The following FSTL5 variants were observed in gnomAD, a reference collection of about 807,000 sequenced individuals.
The protein encoded by FSTL5 is follistatin-related protein 5.
FSTL5 carries 62 observed loss-of-function variants against 89.1 expected under a neutral mutation model. The observed-to-expected ratio is 0.70, with a 90% CI of 0.57 to 0.86. The LOEUF (loss-of-function observed/expected upper bound fraction) is 0.86, where lower values mean the gene tolerates loss of function less well. FSTL5 is among the 40% of genes least tolerant of loss of function. FSTL5 has a pLI of 0.00. For synonymous variants in FSTL5, 383 were observed against 346.2 expected (o/e 1.11, Z -1.18); for missense variants, 1,057 against 1,001.6 (o/e 1.06, Z -0.75).
At chr4:161,489,525 A>G (rs974193183) in intron 12 of FSTL5, among the ~76,000 whole-genome samples, 1 of 152,176 alleles carries the variant, frequency 6.6e-6, no homozygotes, top group African/African-American at 2.4e-5. Context: ...GGATGAAACT[A>G]ATTTAAACCT....
At chr4:161,629,908 G>A (rs905241949) in intron 7 of FSTL5, among the ~76,000 whole-genome samples, 3 of 152,190 alleles carry the variant, frequency 2.0e-5, no homozygotes, top group Non-Finnish European at 4.4e-5. Context: ...GTGCGAGGCT[G>A]TCTATGATGG....
At chr4:161,542,332 C>T (rs1731846249) in intron 9 of FSTL5, among the ~76,000 whole-genome samples, 200 bp downstream of exon 9, 1 of 151,872 alleles carries the variant, frequency 6.6e-6, no homozygotes, top group South Asian at 2.1e-4. Flanking sequence ...ATCATTATGA[C>T]AAGACTATTA....
At chr4:161,443,636 T>C (rs971191367) in intron 15 of FSTL5, among the ~76,000 whole-genome samples, 2 of 151,998 alleles carry the variant, frequency 1.3e-5, no homozygotes, top group African/African-American at 4.8e-5. Flanking sequence ...TTACAACTGA[T>C]GTAAGGTTGA....
At chr4:162,091,775 G>A (rs532847100) in intron 2 of FSTL5, among the ~76,000 whole-genome samples, 23 of 151,652 alleles carry the variant, frequency 1.5e-4, no homozygotes, top group Admixed American at 5.3e-4. Context: ...TTCCAACAAC[G>A]GCATCCATAA....
At chr4:161,645,181 A>T (rs1736109912) in intron 7 of FSTL5, among the ~76,000 whole-genome samples, 2 of 152,158 alleles carry the variant, frequency 1.3e-5, no homozygotes, top group Admixed American at 6.6e-5. Flanking sequence ...CAAAAAAAAA[A>T]TTAGAAACAC....
Position 161,696,374 on chromosome 4 carries a change from G to A in FSTL5, c.728-39880C>T, listed in dbSNP as rs1245570774. ...TTGGTGACTATGGCCTTATAGTATA[G>A]TTTGAAATCAGGTAATGTGGTGTCT... On this transcript the variant is annotated intron_variant, in intron 6 of 15. Transcript: ENST00000306100. 1.3e-5 allele frequency among the ~76,000 whole-genome samples: 2 copies of A among 152,108 alleles called. 1 individual carries two copies. Among genetic ancestry groups the A allele is most frequent in the Non-Finnish European group, 2.9e-5 (2 of 68,042 alleles).
intron 7 of FSTL5, among the ~76,000 whole-genome samples, chr4:161,590,991 A>T (rs1020695803): frequency 1.3e-5 from 2 of 152,192 alleles, no homozygotes; most frequent in African/African-American, 4.8e-5. Context: ...AGCTATATTT[A>T]TTAGTCATAA....
chr4:161,509,783 T>C (rs1350843700), intron 11 of FSTL5, among the ~76,000 whole-genome samples: 1 of 152,178 alleles, frequency 6.6e-6, no homozygotes, highest in South Asian at 2.1e-4. Flanking sequence ...GGCAAACGCA[T>C]TCTTCCCAGC....
intron 14 of FSTL5, among the ~76,000 whole-genome samples, chr4:161,455,967 T>C (rs1247194982): frequency 6.6e-6 from 1 of 152,302 alleles, no homozygotes; most frequent in East Asian, 1.9e-4. Flanking sequence ...ACTTCTCCTT[T>C]GGTTTTTATG....
chr4:161,867,092 C>T (rs1288630635), intron 4 of FSTL5, among the ~76,000 whole-genome samples: 2 of 151,910 alleles, frequency 1.3e-5, no homozygotes, highest in African/African-American at 2.4e-5. Context: ...ATATTCAGAG[C>T]CTCAGTTCAA....
chr4:161,803,445 T>C (rs1025630764), intron 4 of FSTL5, among the ~76,000 whole-genome samples: 2 of 151,986 alleles, frequency 1.3e-5, no homozygotes, highest in African/African-American at 4.8e-5. Context: ...TAAGTATCAC[T>C]TTTACTACAT....
chr4:161,744,251 A>C (rs1309097286), intron 6 of FSTL5, among the ~76,000 whole-genome samples: 1 of 152,122 alleles, frequency 6.6e-6, no homozygotes, highest in Admixed American at 6.5e-5. Flanking sequence ...CAGCTAACTT[A>C]AGAAATCTAT....
chr4:161,447,780 T>C (rs570387525), intron 15 of FSTL5, among the ~76,000 whole-genome samples: 2 of 152,284 alleles, frequency 1.3e-5, no homozygotes, highest in South Asian at 4.1e-4. Flanking sequence ...CCAGTGTTTA[T>C]GTTACGTAGA....
chr4:161,423,494 T>C (rs1732058634), intron 15 of FSTL5, among the ~76,000 whole-genome samples: 1 of 152,224 alleles, frequency 6.6e-6, no homozygotes, highest in Non-Finnish European at 1.5e-5. Context: ...AATAATTCTC[T>C]GATAATTCTC....
chr4:161,430,862 A>C (rs900000512), intron 15 of FSTL5, among the ~76,000 whole-genome samples: 2 of 152,204 alleles, frequency 1.3e-5, no homozygotes, highest in Admixed American at 1.3e-4. Flanking sequence ...TTGGCAGCAG[A>C]CTTTTCAGTG....
intron 13 of FSTL5, among the ~76,000 whole-genome samples, chr4:161,477,781 A>G (rs929762343): frequency 3.3e-5 from 5 of 152,002 alleles, no homozygotes; most frequent in Non-Finnish European, 5.9e-5. Context: ...TTATTCAAGA[A>G]ATACAGGGTT....
intron 6 of FSTL5, among the ~76,000 whole-genome samples, chr4:161,734,954 A>G (rs1307392704): frequency 1.3e-5 from 2 of 151,992 alleles, no homozygotes; most frequent in Admixed American, 1.3e-4. Context: ...GTATCCTCCA[A>G]CTCAATTCAT....
chr4:161,557,948 A>T (rs1732449479), intron 8 of FSTL5, among the ~76,000 whole-genome samples: 1 of 151,706 alleles, frequency 6.6e-6, no homozygotes, highest in East Asian at 1.9e-4. Flanking sequence ...AAAGATGGGG[A>T]TGTTTTCTGA....
Position 161,738,899 on chromosome 4 carries a change from A to G in FSTL5, c.727+20512T>C, listed in dbSNP as rs532417760. On this transcript the variant is annotated intron_variant, in intron 6 of 15. Transcript: ENST00000306100. The stretch of plus-strand genomic sequence containing the variant: ...CTTGCACAATTTCTTAATTACACTG[A>G]TTGCAATCAAGCTCTTTTTAAAGTG... 1.3e-3 allele frequency among the ~76,000 whole-genome samples: 192 copies of G among 152,160 alleles called. 1 individual carries two copies. The highest frequency in any genetic ancestry group is 2.5e-3 in the Non-Finnish European group (173 of 68,004).
Sources: allele counts gnomAD v4.1 joint callset (sites outside exome capture counted in the v4.1 genomes callset), GRCh38; gene constraint gnomAD v4.1.1; transcripts MANE v1.5; gene names NCBI Gene and HGNC (gene_info 2026-07-23, HGNC 2026-07-21).